FRMD4A: variants seen among roughly 807,000 people sequenced by gnomAD.
FRMD4A encodes FERM domain-containing protein 4A.
FRMD4A carries 29 observed loss-of-function variants against 129.1 expected under a neutral mutation model. The observed-to-expected ratio is 0.22, with a 90% CI of 0.17 to 0.31. The LOEUF is 0.31. Ranked by LOEUF, FRMD4A falls within the 10% of genes least tolerant of loss-of-function variation. FRMD4A has a pLI of 1.00. For synonymous variants in FRMD4A, 634 were observed against 571.6 expected (o/e 1.11, Z -1.56); for missense variants, 1,272 against 1,375.8 (o/e 0.92, Z 1.19).
intron 15 of FRMD4A, chr10:13,685,272 T>G: frequency 1.0e-6 from 1 of 985,348 alleles, no homozygotes; most frequent in Non-Finnish European, 1.2e-6. Context: ...TGATGGTGGC[T>G]GGGAGTCTCT....
chr10:13,728,405 T>G (rs1474897395), intron 12 of FRMD4A, among the ~76,000 whole-genome samples: 1 of 148,118 alleles, frequency 6.8e-6, no homozygotes, highest in African/African-American at 2.5e-5. Context: ...GTCCTGTCTC[T>G]GTATCATCAG....
At chr10:13,861,994 C>T (rs897617504) in intron 2 of FRMD4A, among the ~76,000 whole-genome samples, 4 of 152,122 alleles carry the variant, frequency 2.6e-5, no homozygotes, top group East Asian at 1.9e-4. Context: ...ATAAAAATTT[C>T]GAGCTACGCT....
chr10:14,256,514 T>A (rs1844618466), intron 2 of FRMD4A, among the ~76,000 whole-genome samples: 1 of 152,220 alleles, frequency 6.6e-6, no homozygotes, highest in Non-Finnish European at 1.5e-5. Flanking sequence ...ATGGCAATTA[T>A]AATGTTATAA....
chr10:13,698,637 C>T (rs1043659562), intron 14 of FRMD4A, among the ~76,000 whole-genome samples: 7 of 152,218 alleles, frequency 4.6e-5, no homozygotes, highest in Admixed American at 1.3e-4. Context: ...AAAGATGGCA[C>T]GTATTTCCTC....
chr10:14,172,604 T>A (rs1262139601), intron 2 of FRMD4A, among the ~76,000 whole-genome samples: 1 of 152,246 alleles, frequency 6.6e-6, no homozygotes, highest in Non-Finnish European at 1.5e-5. Context: ...GTTTGCAATT[T>A]GAAAACCTGG....
At chr10:14,030,734 G>A (rs1049611450) in intron 2 of FRMD4A, among the ~76,000 whole-genome samples, 3 of 152,224 alleles carry the variant, frequency 2.0e-5, no homozygotes, top group African/African-American at 7.2e-5. Context: ...GGATCAGGCA[G>A]TGGTTCTCAG....
chr10:14,312,028 A>G (rs1846566915), intron 2 of FRMD4A, among the ~76,000 whole-genome samples: 1 of 152,224 alleles, frequency 6.6e-6, no homozygotes, highest in African/African-American at 2.4e-5. Context: ...ATATCTGTTC[A>G]GTAAAATGTG....
intron 2 of FRMD4A, among the ~76,000 whole-genome samples, chr10:14,239,321 T>C (rs1040175253): frequency 1.3e-5 from 2 of 152,214 alleles, no homozygotes; most frequent in African/African-American, 4.8e-5. Context: ...TGTTGAGAAT[T>C]GTTCTTTTAA....
intron 19 of FRMD4A, 142 bp from the exon 20 acceptor site, chr10:13,660,695 A>C (rs1589247692): frequency 3.5e-6 from 2 of 577,918 alleles, no homozygotes; most frequent in East Asian, 2.8e-5. Context: ...AAACCCTGAA[A>C]CTCTTCCCCA....
intron 2 of FRMD4A, among the ~76,000 whole-genome samples, chr10:14,185,548 A>T (rs751908545): frequency 2.0e-5 from 3 of 152,228 alleles, no homozygotes; most frequent in Admixed American, 1.3e-4. Context: ...CTTGAAACAT[A>T]AAGCAAGACT....
At chr10:13,662,121 G>A (rs2082683276) in intron 19 of FRMD4A, among the ~76,000 whole-genome samples, 2 of 152,170 alleles carry the variant, frequency 1.3e-5, no homozygotes, top group Admixed American at 6.5e-5. Context: ...CTACTACCAA[G>A]GAATCTCTCA....
At chr10:13,727,618 G>A (rs771393736) in intron 12 of FRMD4A, among the ~76,000 whole-genome samples, 15 of 152,142 alleles carry the variant, frequency 9.9e-5, no homozygotes, top group Non-Finnish European at 1.6e-4. Flanking sequence ...GCACACCCCA[G>A]TAAACTTCCT....
At chr10:13,965,124 G>T (rs1487813734) in intron 2 of FRMD4A, among the ~76,000 whole-genome samples, 2 of 147,100 alleles carry the variant, frequency 1.4e-5, no homozygotes, top group Non-Finnish European at 3.0e-5. Flanking sequence ...TATTCAGTTT[G>T]GGAGAGAGGA....
intron 3 of FRMD4A, among the ~76,000 whole-genome samples, chr10:13,826,626 G>C (rs914689158): frequency 1.3e-5 from 2 of 152,086 alleles, no homozygotes; most frequent in African/African-American, 4.8e-5. Flanking sequence ...TCCCTAAAGC[G>C]TTACCTCCCC....
rs1412874467 is a variant in FRMD4A at position 14,243,767 on chromosome 10, G to A, written c.45+86291C>T. Among the ~76,000 whole-genome samples the A allele has an allele frequency of 5.3e-5, 8 of 150,774 alleles. No homozygotes were observed. In the East Asian group the frequency reaches 1.6e-3, roughly 29 times the overall value. ...ACAACTATGAATGTACATTCACACT[G>A]CTATTAAACTGAACACTTAAAAATG... is the stretch of plus-strand genomic sequence containing the variant. On this transcript the variant is annotated intron_variant, in intron 2 of 24. Transcript: ENST00000357447.
chr10:14,221,188 C>T (rs963946346), intron 2 of FRMD4A, among the ~76,000 whole-genome samples: 1 of 152,196 alleles, frequency 6.6e-6, no homozygotes, highest in Non-Finnish European at 1.5e-5. Flanking sequence ...TGATCTGATG[C>T]TGCAGGGGGC....
At chr10:13,683,163 G>A (rs995256553) in intron 15 of FRMD4A, among the ~76,000 whole-genome samples, 7 of 152,066 alleles carry the variant, frequency 4.6e-5, no homozygotes, top group East Asian at 1.9e-4. Flanking sequence ...GGATTACAGC[G>A]CGCCACAACG....
intron 2 of FRMD4A, among the ~76,000 whole-genome samples, chr10:14,014,951 TTTCCTTCC>T (rs943402745): frequency 2.2e-5 from 3 of 133,578 alleles, no homozygotes; most frequent in Non-Finnish European, 4.8e-5. Flanking sequence ...TTCTTCCTTC[TTTCCTTCC>T]TTCCTTCCCT....
At chr10:13,772,499 C>T (rs948201795) in intron 6 of FRMD4A, among the ~76,000 whole-genome samples, 35 of 152,112 alleles carry the variant, frequency 2.3e-4, no homozygotes, top group African/African-American at 6.8e-4. Flanking sequence ...GACAGAGGGC[C>T]AGCCTTACAA....
Sources: allele counts gnomAD v4.1 joint callset (sites outside exome capture counted in the v4.1 genomes callset), GRCh38; gene constraint gnomAD v4.1.1; transcripts MANE v1.5; gene names NCBI Gene and HGNC (gene_info 2026-07-23, HGNC 2026-07-21).